USP6NL: variants seen among roughly 807,000 people sequenced by gnomAD.
USP6NL encodes the protein USP6 N-terminal like, also known as USP6 N-terminal-like protein.
In USP6NL, 26 loss-of-function variants were observed where a neutral mutation model predicts 61.9. The ratio of observed to expected loss-of-function variants is 0.42; its 90% CI spans 0.31 to 0.58. USP6NL has a LOEUF of 0.58. USP6NL is among the 20% of genes least tolerant of loss of function. The probability of loss-of-function intolerance (pLI) is 0.16; values close to 1 mark genes in which losing one functional copy is unlikely to be tolerated. For missense variants in USP6NL, 1,114 were observed against 1,034.3 expected, an observed-to-expected ratio of 1.08 and a Z score of -1.06; for synonymous variants, 432 against 390.1, an observed-to-expected ratio of 1.11 and a Z score of -1.27.
chr10:11,555,433 A>AAAAAATATAT (rs1275798295), intron 2 of USP6NL, among the ~76,000 whole-genome samples: 8 of 49,024 alleles, frequency 1.6e-4, no homozygotes, highest in Non-Finnish European at 1.4e-4. Flanking sequence ...AAAAAAAAAA[A>AAAAAATATAT]ATATATATAT....
intron 2 of USP6NL, among the ~76,000 whole-genome samples, chr10:11,560,781 C>A (rs1836904037): frequency 6.7e-6 from 1 of 149,810 alleles, no homozygotes; most frequent in Admixed American, 6.6e-5. Context: ...TCAAGTCTCT[C>A]AAAATCTTTA....
chr10:11,536,395 GC>G (rs1015522696), intron 2 of USP6NL, among the ~76,000 whole-genome samples: 1 of 152,190 alleles, frequency 6.6e-6, no homozygotes, highest in Admixed American at 6.5e-5. Flanking sequence ...ATCCTCCCAT[GC>G]CTGGGGAAAA....
chr10:11,500,626 A>C (rs988798414), intron 7 of USP6NL, among the ~76,000 whole-genome samples: 2 of 152,212 alleles, frequency 1.3e-5, no homozygotes, highest in Admixed American at 1.3e-4. Flanking sequence ...AGATACCCTA[A>C]TAATCTTGGG....
intron 14 of USP6NL, among the ~76,000 whole-genome samples, chr10:11,464,305 C>T (rs182461161): frequency 2.0e-5 from 3 of 152,242 alleles, no homozygotes. Context: ...TAATGGTGGC[C>T]GGGATTTCGA....
chr10:11,519,358 G>A (rs555339026), intron 4 of USP6NL, among the ~76,000 whole-genome samples: 5 of 152,314 alleles, frequency 3.3e-5, no homozygotes, highest in African/African-American at 9.6e-5. Context: ...GGCTGGGTGC[G>A]GTGGCTCACG....
Position 11,597,328 on chromosome 10 carries a change from A to C in USP6NL, c.4+303T>G, listed in dbSNP as rs563087913. 6.6e-6 allele frequency among the ~76,000 whole-genome samples: 1 copy of C among 152,220 alleles called. No individual in the cohort carries two copies. Among genetic ancestry groups the C allele is most frequent in the Non-Finnish European group, 1.5e-5 (1 of 68,036 alleles). ...TGGTCAACTGCAATGTTCCCTATTC[A>C]TATTTCTGAAGAACCGTTTTCCAAT... On this transcript the variant is annotated intron_variant, in intron 2 of 14. Transcript: ENST00000609104. The surrounding 1 kb of genome is among the most constrained non-coding windows in gnomAD (Gnocchi z 4.6).
At chr10:11,607,698 AAAT>A (rs1227782792) in intron 1 of USP6NL, among the ~76,000 whole-genome samples, 1 of 152,032 alleles carries the variant, frequency 6.6e-6, no homozygotes, top group Non-Finnish European at 1.5e-5. Context: ...GAAAAGGAAA[AAAT>A]AATAATAATA....
Position 11,465,666 on chromosome 10 carries a change from A to C in USP6NL, c.1079-1817T>G, listed in dbSNP as rs1385393801. Among the ~76,000 whole-genome samples, 2 of 152,176 alleles carry C rather than the reference A, an allele frequency of 1.3e-5. No homozygotes were observed. The highest frequency in any genetic ancestry group is 2.4e-5 in the African/African-American group (1 of 41,448). On this transcript the variant is annotated intron_variant, in intron 14 of 14. Coordinates refer to ENST00000609104, the MANE Select transcript of USP6NL (RefSeq NM_014688.5). This position sits in a 1 kb window ranked among gnomAD's most constrained non-coding sequence, Gnocchi z 4.5. ...CCCACACCGTGCTGGCAGCGGAAGC[A>C]CCCAAGCTGCTCTCAGTGCTGCCTG... is the stretch of plus-strand genomic sequence containing the variant.
intron 5 of USP6NL, among the ~76,000 whole-genome samples, chr10:11,516,822 A>T (rs1056870300): frequency 6.6e-6 from 1 of 152,260 alleles, no homozygotes; most frequent in African/African-American, 2.4e-5. Flanking sequence ...GCCTAACTGC[A>T]TTAAGAGGTC....
rs1837478921 is a variant in USP6NL at position 11,574,701 on chromosome 10, T to A, written c.4+22930A>T. Among the ~76,000 whole-genome samples, 1 of 152,212 alleles carries A rather than the reference T, an allele frequency of 6.6e-6. No homozygotes were observed. Among genetic ancestry groups the A allele is most frequent in the Non-Finnish European group, 1.5e-5 (1 of 68,032 alleles). ...CTCTCCTATTTTTCTTTCCTTCCCA[T>A]GAATTATTTTGACATTTTTAACATA... On this transcript the variant is annotated intron_variant, in intron 2 of 14. Transcript: ENST00000609104. The surrounding 1 kb of genome is among the most constrained non-coding windows in gnomAD (Gnocchi z 4.3).
At chr10:11,477,361 G>A (rs551708881) in intron 14 of USP6NL, among the ~76,000 whole-genome samples, 3 of 152,238 alleles carry the variant, frequency 2.0e-5, no homozygotes, top group African/African-American at 4.8e-5. Context: ...AAAAAGAACC[G>A]TAAGAGATTG....
At chr10:11,467,108 C>G (rs1162110492) in intron 14 of USP6NL, among the ~76,000 whole-genome samples, 1 of 152,186 alleles carries the variant, frequency 6.6e-6, no homozygotes, top group African/African-American at 2.4e-5. Context: ...ATCCACAAAT[C>G]TGAACACCAC....
chr10:11,534,279 A>C (rs61844568), intron 2 of USP6NL, among the ~76,000 whole-genome samples: 13,025 of 152,228 alleles, frequency 0.086, 638 homozygotes, highest in South Asian at 0.19. Context: ...TGACCTCTCC[A>C]CTGTTTTAAC....
At chr10:11,544,690 C>T (rs889566698) in intron 2 of USP6NL, among the ~76,000 whole-genome samples, 3 of 152,048 alleles carry the variant, frequency 2.0e-5, no homozygotes, top group Non-Finnish European at 4.4e-5. Flanking sequence ...GGTTTTGCCC[C>T]GTTGGGCAGG....
chr10:11,501,530 T>C (rs138751716), intron 6 of USP6NL, among the ~76,000 whole-genome samples: 32 of 152,346 alleles, frequency 2.1e-4, no homozygotes, highest in South Asian at 1.4e-3. Context: ...GAACATCTGA[T>C]TTACACATTC....
intron 5 of USP6NL, among the ~76,000 whole-genome samples, chr10:11,517,782 C>T (rs1368055749): frequency 6.6e-6 from 1 of 152,202 alleles, no homozygotes; most frequent in Admixed American, 6.5e-5. Context: ...TCCAATTTCA[C>T]CTTCATTACC....
chr10:11,510,712 T>C lies in USP6NL; in HGVS notation c.196-1037A>G, dbSNP rs1055799040. 4.6e-5 allele frequency among the ~76,000 whole-genome samples: 7 copies of C among 152,220 alleles called. No individual in the cohort carries two copies. The highest frequency in any genetic ancestry group is 9.6e-5 in the African/African-American group (4 of 41,464). On this transcript the variant is annotated intron_variant, in intron 5 of 14. Transcript: ENST00000609104. This position sits in a 1 kb window ranked among gnomAD's most constrained non-coding sequence, Gnocchi z 4.8. ...AAAGAAAATCATTCTGAGGATACAT[T>C]TTATACTCAAGGATGCATGCTCACT... is the stretch of plus-strand genomic sequence containing the variant.
Position 11,591,301 on chromosome 10 carries a change from TACTAAAA to T in USP6NL, c.4+6323_4+6329del. 6.6e-6 allele frequency among the ~76,000 whole-genome samples: 1 copy of T among 152,314 alleles called. No individual in the cohort carries two copies. The highest frequency in any genetic ancestry group is 3.4e-3 in the Middle Eastern group (1 of 294). On this transcript the variant is annotated intron_variant, in intron 2 of 14. Coordinates refer to ENST00000609104, the MANE Select transcript of USP6NL (RefSeq NM_014688.5). This position sits in a 1 kb window ranked among gnomAD's most constrained non-coding sequence, Gnocchi z 4.7. The stretch of plus-strand genomic sequence containing the variant: ...ATTTGGAGCACACTGGTTTGTGTTG[TACTAAAA>T]AAATTTCATTAAAGTTGATTTACAT...
chr10:11,503,291 ACTTATTT>A (rs1834289977), intron 6 of USP6NL, among the ~76,000 whole-genome samples: 1 of 152,202 alleles, frequency 6.6e-6, no homozygotes, highest in African/African-American at 2.4e-5. Context: ...GCGCTCTGAC[ACTTATTT>A]CTTAAGCTAT....
Sources: allele counts gnomAD v4.1 joint callset (sites outside exome capture counted in the v4.1 genomes callset), GRCh38; gene constraint gnomAD v4.1.1; non-coding constraint Gnocchi (gnomAD v3.1); transcripts MANE v1.5; gene names NCBI Gene and HGNC (gene_info 2026-07-23, HGNC 2026-07-21).